ZIC3: variants seen among roughly 807,000 people sequenced by gnomAD.
ZIC3 encodes the protein zinc finger protein ZIC 3.
ZIC3 carries 6 observed loss-of-function variants against 18.3 expected under a neutral mutation model. The ratio of observed to expected loss-of-function variants is 0.33; its 90% CI spans 0.18 to 0.65. The LOEUF is 0.65. Among genes scored for constraint, ZIC3 ranks in the 30% least tolerant of loss-of-function variants. The pLI, the probability that ZIC3 is intolerant of heterozygous loss-of-function variation, is 0.75. For synonymous variants in ZIC3, 175 were observed against 177.0 expected, an observed-to-expected ratio of 0.99 and a Z score of 0.09; for missense variants, 260 against 410.0, an observed-to-expected ratio of 0.63 and a Z score of 3.16.
In ZIC3 at chrX:137,566,670, C is replaced by T. The variant is rs1490293023; in HGVS notation, c.-22C>T. ...CCCTCTCTCACTTCGGCCGGATCGC[C>T]TGTGCCCAGAACGTCCCACCCATGA... On this transcript the variant is annotated 5_prime_UTR_variant, in exon 1 of 3. Coordinates refer to ENST00000287538, the MANE Select transcript of ZIC3 (RefSeq NM_003413.4). 2 of 1,198,591 alleles carry T rather than the reference C, an allele frequency of 1.7e-6. No homozygotes were observed. The highest frequency in any genetic ancestry group is 1.7e-5 in the African/African-American group (1 of 57,786).
At chrX:137,577,427 A>G (rs1390582568) in exon 3 of ZIC3, 2 of 335,573 alleles carry the variant, frequency 6.0e-6, no homozygotes, top group Non-Finnish European at 1.0e-5. Flanking sequence ...ATGAAAAAGC[A>G]AAAAAACTCC....
rs754848855 is a variant in ZIC3 at position 137,571,379 on chromosome X, T to C, written c.*1309T>C. The C allele has an allele frequency of 6.2e-5, 7 of 112,166 alleles. No individual in the cohort carries two copies. The highest frequency in any genetic ancestry group is 5.7e-4 in the Admixed American group (6 of 10,469). 9.2% of individuals were successfully genotyped at this position (112,166 alleles called of 1,213,427 possible). A position where few individuals can be genotyped will look rare whatever the true frequency, so the allele number is the denominator to read the frequency against. On this transcript the variant is annotated 3_prime_UTR_variant, in exon 3 of 3. Transcript: ENST00000287538. Reference sequence around the variant, plus strand: ...TATCAATCTATCTAGTAGCTATCTATATATTTTCAAAAGATAGCTTATGTC... The same window carrying C: ...TATCAATCTATCTAGTAGCTATCTACATATTTTCAAAAGATAGCTTATGTC...
chrX:137,573,157 AAAAC>A (rs1219100469), downstream of ZIC3, among the ~76,000 whole-genome samples: 724 of 69,623 alleles, frequency 0.01, 17 homozygotes, highest in African/African-American at 0.038. Context: ...AAAAAAAAAA[AAAAC>A]CAAACAAACC....
At chrX:137,574,577 C>T, downstream of ZIC3, among the ~76,000 whole-genome samples, 1 of 113,241 alleles carries the variant, frequency 8.8e-6, no homozygotes, top group Non-Finnish European at 1.9e-5. Context: ...CCCCCACTCC[C>T]GCGCCCTGCC....
downstream of ZIC3, among the ~76,000 whole-genome samples, chrX:137,572,800 C>T (rs950209212): frequency 9.0e-6 from 1 of 111,001 alleles, no homozygotes; most frequent in South Asian, 3.8e-4. Flanking sequence ...GCAGTTTGAT[C>T]TTTTCTTAGT....
chrX:137,570,080 C>A lies in ZIC3; in HGVS notation c.*10C>A. The A allele has an allele frequency of 8.3e-7, 1 of 1,208,429 alleles. No homozygotes were observed. Among genetic ancestry groups the A allele is most frequent in the African/African-American group, 1.7e-5 (1 of 57,772 alleles). The stretch of plus-strand genomic sequence containing the variant: ...CGAATGGTACGTCTGAGGACAAACA[C>A]AAACCCTGTTAATTATAGAATGGAC... On this transcript the variant is annotated 3_prime_UTR_variant, in exon 3 of 3. Coordinates refer to ENST00000287538, the MANE Select transcript of ZIC3 (RefSeq NM_003413.4).
rs748325646 is a variant in ZIC3 at position 137,566,825 on chromosome X, ACGCCGC to A, written c.156_161del (p.Ala54_Ala55del). 26 of 1,160,640 alleles carry A rather than the reference ACGCCGC, an allele frequency of 2.2e-5. No homozygotes were observed. Among genetic ancestry groups the A allele is most frequent in the East Asian group, 6.5e-5 (2 of 30,818 alleles). On this transcript the variant is annotated inframe_deletion, in exon 1 of 3. Coordinates refer to ENST00000287538, the MANE Select transcript of ZIC3 (RefSeq NM_003413.4). ...CTGAATCCCTTCGGGGACTCAACCC[ACGCCGC>A]CGCCGCCGCCGCCGCCGCCGCTGCC...
At chrX:137,572,228 T>TTA (rs1397228696), downstream of ZIC3, among the ~76,000 whole-genome samples, 2 of 112,744 alleles carry the variant, frequency 1.8e-5, no homozygotes, top group Non-Finnish European at 3.7e-5. Flanking sequence ...GCAGTCTATT[T>TTA]AAGTTATCTA....
chrX:137,573,053 T>A (rs1398220851), downstream of ZIC3, among the ~76,000 whole-genome samples: 8 of 105,767 alleles, frequency 7.6e-5, no homozygotes, highest in Non-Finnish European at 1.4e-4. Flanking sequence ...TTTCACAGAT[T>A]TCCCCCCTAT....
Position 137,572,094 on chromosome X carries a change from G to C in ZIC3, c.*2024G>C, listed in dbSNP as rs113057036. Among the ~76,000 whole-genome samples, 547 of 111,748 alleles carry C rather than the reference G, an allele frequency of 4.9e-3. 1 individual carries two copies. The highest frequency in any genetic ancestry group is 0.016 in the African/African-American group (489 of 30,848). On this transcript the variant is annotated 3_prime_UTR_variant, in exon 3 of 3. Coordinates refer to ENST00000287538, the MANE Select transcript of ZIC3 (RefSeq NM_003413.4). Reference sequence around the variant, plus strand: ...TAAAGTCTTGGCACATCTTATTTATGTTATAACATTTTTGTATTTGGTGCC... The same window carrying C: ...TAAAGTCTTGGCACATCTTATTTATCTTATAACATTTTTGTATTTGGTGCC...
downstream of ZIC3, among the ~76,000 whole-genome samples, chrX:137,575,125 T>G (rs1044713367): frequency 6.2e-5 from 7 of 112,143 alleles, no homozygotes; most frequent in Non-Finnish European, 1.3e-4. Flanking sequence ...CCACAGAACC[T>G]TGAGTCCCTA....
intron 2 of ZIC3, 85 bp downstream of exon 2, chrX:137,569,150 A>C: frequency 1.0e-6 from 1 of 968,026 alleles, no homozygotes; most frequent in Non-Finnish European, 1.4e-6. Flanking sequence ...CGCGCTGCCA[A>C]CCCTCTGTCT....
chrX:137,566,272 A>G lies in ZIC3; in HGVS notation c.-420A>G. ...CGCCACTTGGCGCAGCCCAGCCCGG[A>G]GGCCGGTACCCAGGGAGCCTCCTGG... On this transcript the variant is annotated 5_prime_UTR_variant, in exon 1 of 3. Coordinates refer to ENST00000287538, the MANE Select transcript of ZIC3 (RefSeq NM_003413.4). 6.2e-6 allele frequency: 1 copy of G among 161,710 alleles called. No individual in the cohort carries two copies. Among genetic ancestry groups the G allele is most frequent in the East Asian group, 1.6e-4 (1 of 6,337 alleles). The allele number at this position is 161,710 out of a possible 1,213,427, so 13.3% of individuals were successfully genotyped here. A position where few individuals can be genotyped will look rare whatever the true frequency, so the allele number is the denominator to read the frequency against.
At position 137,567,332 on chromosome X, in the gene ZIC3, C is replaced by T. The variant is rs754581917; in HGVS notation, c.641C>T (p.Ala214Val). Reference sequence around the variant, plus strand: ...CGCACGGACCCCTACGCGGCCGGCGCTCAGTTTCCTAACTACAGCCCCATG... The same window carrying T: ...CGCACGGACCCCTACGCGGCCGGCGTTCAGTTTCCTAACTACAGCCCCATG... ...SPRTDPYAAG[A>V]QFPNYSPMNM... is the part of the protein sequence containing the mutation. The change falls in exon 1 of 3, where the codon GCT (alanine) becomes GTT (valine). Residue 214 changes from alanine to valine, a missense_variant. Physicochemically the swap from Ala to Val is moderately conservative, Grantham distance 64 (BLOSUM62 0). This residue lies in a region of ZIC3 where 183 missense variants were observed against 223.8 expected (regional missense o/e 0.82). Coordinates refer to ENST00000287538, the MANE Select transcript of ZIC3 (RefSeq NM_003413.4). The T allele has an allele frequency of 8.3e-7, 1 of 1,211,552 alleles. No homozygotes were observed. The highest frequency in any genetic ancestry group is 1.8e-5 in the South Asian group (1 of 57,034).
At position 137,566,804 on chromosome X, in the gene ZIC3, A is replaced by G; in HGVS notation, c.113A>G (p.Asn38Ser). The G allele has an allele frequency of 8.5e-7, 1 of 1,173,543 alleles. No individual in the cohort carries two copies. The highest frequency in any genetic ancestry group is 1.7e-5 in the African/African-American group (1 of 57,156). Reference protein sequence around the residue: ...PNREPAGMGLNPFGDSTHAAA... With the variant: ...PNREPAGMGLSPFGDSTHAAA... The stretch of plus-strand genomic sequence containing the variant: ...CGTGAGCCGGCAGGCATGGGGCTGA[A>G]TCCCTTCGGGGACTCAACCCACGCC... Residue 38 changes from asparagine to serine, a missense_variant, in exon 1 of 3, where the codon AAT becomes AGT. By Grantham distance (46) the Asn-to-Ser change is conservative. Around this residue, in one of 4 missense-constraint regions of ZIC3, gnomAD observed 183 missense variants for 223.8 expected, o/e 0.82. Coordinates refer to ENST00000287538, the MANE Select transcript of ZIC3 (RefSeq NM_003413.4).
chrX:137,574,435 G>A (rs990838027), downstream of ZIC3, among the ~76,000 whole-genome samples: 1 of 113,375 alleles, frequency 8.8e-6, no homozygotes, highest in Non-Finnish European at 1.9e-5. Context: ...GTGAGAGCCG[G>A]GCCAGGGCCG....
In ZIC3 at chrX:137,566,372, A is replaced by C; in HGVS notation, c.-320A>C. 3 of 332,952 alleles carry C rather than the reference A, an allele frequency of 9.0e-6. No individual in the cohort carries two copies. The highest frequency in any genetic ancestry group is 5.5e-5 in the East Asian group (1 of 18,257). 27.4% of individuals were successfully genotyped at this position (332,952 alleles called of 1,213,427 possible). A position where few individuals can be genotyped will look rare whatever the true frequency, so the allele number is the denominator to read the frequency against. On this transcript the variant is annotated 5_prime_UTR_variant, in exon 1 of 3. Transcript: ENST00000287538. ...TGGCAAACTCCGCCCTCCACTTACT[A>C]TTTTGCTTATTTTTCTTTGTGCGCG...
downstream of ZIC3, among the ~76,000 whole-genome samples, chrX:137,574,732 GC>G (rs1170879421): frequency 8.9e-6 from 1 of 112,801 alleles, no homozygotes; most frequent in Non-Finnish European, 1.9e-5. Context: ...GGGAAGGGGG[GC>G]TGGTTTTGGG....
chrX:137,569,793 C>A, intron 2 of ZIC3, 98 bp from the exon 3 acceptor site: 2 of 812,305 alleles, frequency 2.5e-6, no homozygotes, highest in South Asian at 2.6e-5. Flanking sequence ...GGTCACTGGG[C>A]GGTCTTGTTG....
Sources: allele counts gnomAD v4.1 joint callset (sites outside exome capture counted in the v4.1 genomes callset), GRCh38; gene constraint gnomAD v4.1.1; regional missense constraint gnomAD v4.1.1; transcripts MANE v1.5; gene names NCBI Gene and HGNC (gene_info 2026-07-23, HGNC 2026-07-21).